DACH1: variants seen among roughly 807,000 people sequenced by gnomAD.
DACH1 encodes the protein dachshund family transcription factor 1.
In DACH1, 12 loss-of-function variants were observed where a neutral mutation model predicts 54.2. That is an observed-to-expected ratio of 0.22 (90% confidence interval 0.14 to 0.36). DACH1 has a LOEUF of 0.36. Among genes scored for constraint, DACH1 ranks in the 10% least tolerant of loss-of-function variants. DACH1 has a pLI of 1.00. For synonymous variants in DACH1, 386 were observed against 366.2 expected, an observed-to-expected ratio of 1.05 and a Z score of -0.62; for missense variants, 805 against 929.8, an observed-to-expected ratio of 0.87 and a Z score of 1.75.
chr13:71,612,048 T>C (rs1851502159), intron 3 of DACH1, among the ~76,000 whole-genome samples: 1 of 152,124 alleles, frequency 6.6e-6, no homozygotes, highest in South Asian at 2.1e-4. Flanking sequence ...GATATTTTTG[T>C]TGTTATAAGT....
chr13:71,573,418 C>T (rs1361933392), intron 3 of DACH1: 1 of 716,108 alleles, frequency 1.4e-6, no homozygotes. Flanking sequence ...GCCATCGTAC[C>T]ATTTGGCAGA....
chr13:71,663,871 C>G (rs1282551073), intron 2 of DACH1, among the ~76,000 whole-genome samples: 137 of 151,980 alleles, frequency 9.0e-4, no homozygotes, highest in African/African-American at 3.0e-3. Flanking sequence ...TTCCAGAGTT[C>G]AATATGTAAA....
chr13:71,687,634 G>A (rs944294090), intron 1 of DACH1, among the ~76,000 whole-genome samples: 1 of 151,954 alleles, frequency 6.6e-6, no homozygotes, highest in East Asian at 1.9e-4. Context: ...TTGACACAAG[G>A]TCTCACTCTG....
intron 2 of DACH1, among the ~76,000 whole-genome samples, chr13:71,661,378 A>C (rs533972219): frequency 6.6e-6 from 1 of 152,016 alleles, no homozygotes; most frequent in South Asian, 2.1e-4. Context: ...GCAGGAAAAA[A>C]GAAAGAACAT....
At chr13:71,578,037 T>A (rs1457504511) in intron 3 of DACH1, among the ~76,000 whole-genome samples, 9 of 152,176 alleles carry the variant, frequency 5.9e-5, no homozygotes, top group Non-Finnish European at 1.0e-4. Context: ...ACTAAAGTGA[T>A]CTGTAAAATA....
intron 2 of DACH1, among the ~76,000 whole-genome samples, chr13:71,655,004 T>C (rs1878995788): frequency 6.6e-6 from 1 of 152,218 alleles, no homozygotes; most frequent in Non-Finnish European, 1.5e-5. Context: ...TTTTGTGATG[T>C]GTAACCTCTA....
At position 71,649,891 on chromosome 13, in the gene DACH1, A is replaced by G. The variant is rs571757839; in HGVS notation, c.965-19174T>C. 9.2e-5 allele frequency among the ~76,000 whole-genome samples: 14 copies of G among 152,308 alleles called. 1 individual carries two copies. The highest frequency in any genetic ancestry group is 3.1e-4 in the African/African-American group (13 of 41,578). The stretch of plus-strand genomic sequence containing the variant: ...TGAATATATAGTCACTAAATTATCC[A>G]GTGCAGACATAAGAATTGGTGCTAT... On this transcript the variant is annotated intron_variant, in intron 2 of 10. Transcript: ENST00000613252.
Position 71,597,112 on chromosome 13 carries a change from G to T in DACH1, c.1127-24100C>A, listed in dbSNP as rs554950288. On this transcript the variant is annotated intron_variant, in intron 3 of 10. Coordinates refer to ENST00000613252, the MANE Select transcript of DACH1 (RefSeq NM_080759.6). ...TTCAATGGTTTACTTCTAAGAATTG[G>T]TATAATAAGCTATGATTTTTGTGAT... Among the ~76,000 whole-genome samples the T allele has an allele frequency of 1.1e-3, 163 of 152,224 alleles. 1 individual carries two copies. The highest frequency in any genetic ancestry group is 6.8e-3 in the Middle Eastern group (2 of 294).
intron 3 of DACH1, among the ~76,000 whole-genome samples, chr13:71,606,221 G>A (rs1227689687): frequency 6.6e-6 from 1 of 151,926 alleles, no homozygotes; most frequent in Non-Finnish European, 1.5e-5. Flanking sequence ...ATATAGAGAG[G>A]AGAAACAGAA....
chr13:71,554,801 A>G (rs190157672), intron 6 of DACH1, among the ~76,000 whole-genome samples: 72 of 152,352 alleles, frequency 4.7e-4, no homozygotes, highest in Non-Finnish European at 9.4e-4. Context: ...TCATCAACCT[A>G]GTATATTATT....
At chr13:71,531,132 G>A (rs1425633433) in intron 6 of DACH1, among the ~76,000 whole-genome samples, 1 of 152,048 alleles carries the variant, frequency 6.6e-6, no homozygotes, top group Non-Finnish European at 1.5e-5. Context: ...CAGGAATTCT[G>A]TCAATATGAA....
chr13:71,520,597 T>C (rs1259748596), intron 6 of DACH1, among the ~76,000 whole-genome samples: 2 of 151,518 alleles, frequency 1.3e-5, no homozygotes, highest in Admixed American at 6.6e-5. Flanking sequence ...AGTTTAAGTA[T>C]AGACAGTATA....
At chr13:71,819,603 C>T (rs552233513) in intron 1 of DACH1, among the ~76,000 whole-genome samples, 2 of 152,258 alleles carry the variant, frequency 1.3e-5, no homozygotes, top group African/African-American at 4.8e-5. Flanking sequence ...ACCAATGTTT[C>T]CTTCCACCAG....
chr13:71,708,095 C>T (rs955618295), intron 1 of DACH1, among the ~76,000 whole-genome samples: 17 of 148,144 alleles, frequency 1.1e-4, no homozygotes, highest in African/African-American at 3.7e-4. Context: ...AACAAACTGG[C>T]GATTTTCACT....
chr13:71,624,627 A>C (rs576299968), intron 3 of DACH1, among the ~76,000 whole-genome samples: 5 of 151,958 alleles, frequency 3.3e-5, no homozygotes, highest in Non-Finnish European at 5.9e-5. Context: ...CAAACAAAAA[A>C]ACTTTCTACA....
intron 1 of DACH1, among the ~76,000 whole-genome samples, chr13:71,711,861 A>C (rs937673454): frequency 6.6e-6 from 1 of 152,140 alleles, no homozygotes; most frequent in African/African-American, 2.4e-5. Context: ...TAGATACTTA[A>C]ATACTTCCCT....
chr13:71,654,467 A>AAT (rs1878944316), intron 2 of DACH1, among the ~76,000 whole-genome samples: 1 of 109,000 alleles, frequency 9.2e-6, no homozygotes, highest in Non-Finnish European at 1.7e-5. Flanking sequence ...AGTAAAATAA[A>AAT]ATAAAATAAA....
chr13:71,608,583 C>T (rs1875063754), intron 3 of DACH1, among the ~76,000 whole-genome samples: 1 of 151,992 alleles, frequency 6.6e-6, no homozygotes, highest in South Asian at 2.1e-4. Flanking sequence ...TAGATTAACA[C>T]ATCATATTCT....
At chr13:71,820,430 A>G (rs1888142162) in intron 1 of DACH1, among the ~76,000 whole-genome samples, 1 of 152,166 alleles carries the variant, frequency 6.6e-6, no homozygotes, top group African/African-American at 2.4e-5. Flanking sequence ...CACAGAGTCT[A>G]TCTAAAGCCT....
Sources: allele counts gnomAD v4.1 joint callset (sites outside exome capture counted in the v4.1 genomes callset), GRCh38; gene constraint gnomAD v4.1.1; transcripts MANE v1.5; gene names NCBI Gene and HGNC (gene_info 2026-07-23, HGNC 2026-07-21).